Variants in ZPBP observed in about 807,000 individuals in gnomAD.
ZPBP encodes the protein zona pellucida-binding protein 1.
In ZPBP, 26 loss-of-function variants were observed where a neutral mutation model predicts 44.8. That is an observed-to-expected ratio of 0.58 (90% confidence interval 0.43 to 0.81). ZPBP has a LOEUF of 0.81. ZPBP is among the 30% of genes least tolerant of loss of function. The pLI is 0.00. For missense variants in ZPBP, 409 were observed against 434.0 expected, an observed-to-expected ratio of 0.94 and a Z score of 0.51; for synonymous variants, 174 against 153.2, an observed-to-expected ratio of 1.14 and a Z score of -1.00.
chr7:50,063,163 C>T (rs572620913), intron 3 of ZPBP, among the ~76,000 whole-genome samples: 6 of 152,166 alleles, frequency 3.9e-5, no homozygotes, highest in African/African-American at 1.2e-4. Context: ...AGGGTCTTCA[C>T]AATGCCTGGG....
At chr7:49,955,256 C>G (rs1230591541) in intron 7 of ZPBP, among the ~76,000 whole-genome samples, 1 of 152,004 alleles carries the variant, frequency 6.6e-6, no homozygotes, top group Non-Finnish European at 1.5e-5. Context: ...CTATACTACT[C>G]TCATAAGAAA....
chr7:49,864,830 A>C (rs919619390), intron 2 of ZPBP, among the ~76,000 whole-genome samples: 2 of 152,152 alleles, frequency 1.3e-5, no homozygotes, highest in Non-Finnish European at 2.9e-5. Context: ...AAGGACAATC[A>C]AGACTGCCTC....
chr7:50,068,573 A>ATG (rs1801656160), intron 3 of ZPBP, among the ~76,000 whole-genome samples: 1 of 151,842 alleles, frequency 6.6e-6, no homozygotes. Context: ...CTGCGTTCAC[A>ATG]CCTGCGTTCA....
the ZPBP span, among the ~76,000 whole-genome samples, chr7:49,843,109 T>C: frequency 1.3e-5 from 2 of 152,080 alleles, no homozygotes; most frequent in Non-Finnish European, 2.9e-5. Context: ...ACTGGTACCA[T>C]CTTTATGTCT....
At chr7:50,024,788 G>A (rs1799248903) in intron 5 of ZPBP, among the ~76,000 whole-genome samples, 1 of 151,844 alleles carries the variant, frequency 6.6e-6, no homozygotes, top group Non-Finnish European at 1.5e-5. Context: ...TAATAATACG[G>A]TATTATATGC....
At chr7:49,922,495 G>T (rs1314280089) in intron 1 of ZPBP, among the ~76,000 whole-genome samples, 2 of 152,120 alleles carry the variant, frequency 1.3e-5, no homozygotes, top group Non-Finnish European at 2.9e-5. Context: ...GGAAAATCTG[G>T]GCAGAATAGA....
At chr7:50,012,845 A>G (rs1211494176) in intron 6 of ZPBP, among the ~76,000 whole-genome samples, 2 of 151,792 alleles carry the variant, frequency 1.3e-5, no homozygotes, top group African/African-American at 4.8e-5. Flanking sequence ...TAATGAAGTA[A>G]CACTGTCTCT....
intron 7 of ZPBP, among the ~76,000 whole-genome samples, chr7:49,967,021 T>G (rs1796092378): frequency 6.6e-6 from 1 of 152,044 alleles, no homozygotes; most frequent in Non-Finnish European, 1.5e-5. Context: ...CTAAAAGAGC[T>G]ACTTGGCCTC....
chr7:50,082,048 C>T, intron 2 of ZPBP, 149 bp from the exon 3 acceptor site: 1 of 782,854 alleles, frequency 1.3e-6, no homozygotes, highest in Non-Finnish European at 2.0e-6. Flanking sequence ...AATTTCATTG[C>T]ATTCTATGCA....
At chr7:49,943,150 TC>T in intron 7 of ZPBP, 1 of 319,808 alleles carries the variant, frequency 3.1e-6, no homozygotes, top group South Asian at 3.0e-5. Context: ...TTTAGTAACT[TC>T]CCAGTCCAGA....
intron 2 of ZPBP, among the ~76,000 whole-genome samples, chr7:49,888,459 A>C (rs541936501): frequency 5.3e-4 from 80 of 152,272 alleles, no homozygotes; most frequent in Middle Eastern, 6.8e-3. Flanking sequence ...ATTTTTTTCT[A>C]ATTCATAACA....
intron 7 of ZPBP, among the ~76,000 whole-genome samples, chr7:49,961,325 A>G (rs1360979110): frequency 2.0e-5 from 3 of 152,214 alleles, no homozygotes; most frequent in Admixed American, 2.0e-4. Flanking sequence ...AAAATGGATG[A>G]ATCTCAAAAT....
chr7:49,943,589 G>A (rs763584212), intron 7 of ZPBP: 3 of 367,286 alleles, frequency 8.2e-6, no homozygotes, highest in Non-Finnish European at 1.1e-5. Context: ...AGACTTGCAT[G>A]GAAAGCAAGT....
intron 2 of ZPBP, among the ~76,000 whole-genome samples, chr7:49,886,938 T>G (rs1247760199): frequency 1.3e-5 from 2 of 152,172 alleles, no homozygotes; most frequent in Admixed American, 1.3e-4. Context: ...TTAGTTATTT[T>G]TTTTTCTTTT....
chr7:50,093,122 G>A lies in ZPBP; in HGVS notation c.73C>T (p.Arg25Trp), dbSNP rs779580773. The change falls in exon 1 of 8, where the codon CGG (arginine) becomes TGG (tryptophan). Residue 25 changes from arginine (R) to tryptophan (W), a missense_variant. Arg to Trp is a moderately radical substitution (Grantham distance 101). Around this residue, in one of 2 missense-constraint regions of ZPBP, gnomAD observed 367 missense variants for 363.1 expected, o/e 1.01. Transcript: ENST00000046087. ...GAGATAAAGAGGAGGATGGCGGCCC[G>A]AGAGAGCAGGGAGCCGGCGGCCCGG... ...RTRAAGSLLS[R>W]AAILLFISAF... 19 of 1,578,296 alleles carry A rather than the reference G, an allele frequency of 1.2e-5. No individual in the cohort carries two copies. Among genetic ancestry groups the A allele is most frequent in the South Asian group, 2.3e-5 (2 of 86,658 alleles).
intron 7 of ZPBP, among the ~76,000 whole-genome samples, chr7:49,980,097 T>C (rs1479435159): frequency 2.0e-5 from 2 of 97,868 alleles, no homozygotes; most frequent in Non-Finnish European, 3.7e-5. Context: ...TTTTATATTA[T>C]ATATAATTAT....
intron 7 of ZPBP, among the ~76,000 whole-genome samples, chr7:49,979,846 T>C (rs13242961): frequency 1.6e-5 from 1 of 64,086 alleles, no homozygotes; most frequent in Non-Finnish European, 2.9e-5. Context: ...TATATATATA[T>C]AAAATATATA....
chr7:49,854,115 T>C (rs1790315413), intron 2 of ZPBP, among the ~76,000 whole-genome samples: 1 of 152,150 alleles, frequency 6.6e-6, no homozygotes, highest in Admixed American at 6.5e-5. Flanking sequence ...AGTCTATCAT[T>C]GATGGACATT....
chr7:50,002,261 C>T (rs1798132603), intron 6 of ZPBP, among the ~76,000 whole-genome samples: 1 of 152,090 alleles, frequency 6.6e-6, no homozygotes, highest in Non-Finnish European at 1.5e-5. Context: ...ACCATCAAAT[C>T]TCATGAGGCT....
Sources: gnomAD v4.1 joint callset for allele counts (sites outside exome capture counted in the v4.1 genomes callset) on GRCh38, gnomAD v4.1.1 for gene constraint, gnomAD v4.1.1 regional missense constraint, MANE v1.5 for transcripts, NCBI Gene and HGNC (gene_info 2026-07-23, HGNC 2026-07-21) for gene names.